The following SERAC1 variants were observed in gnomAD, a reference collection of about 807,000 sequenced individuals.
SERAC1 encodes protein SERAC1.
A neutral mutation model predicts 85.7 loss-of-function variants in SERAC1; 36 were observed. The ratio of observed to expected loss-of-function variants is 0.42; its 90% CI spans 0.32 to 0.55. The LOEUF (loss-of-function observed/expected upper bound fraction) is 0.55, where lower values mean the gene tolerates loss of function less well. Ranked by LOEUF, SERAC1 falls within the 20% of genes least tolerant of loss-of-function variation. The probability of loss-of-function intolerance (pLI) is 0.11; values close to 1 mark genes in which losing one functional copy is unlikely to be tolerated. For synonymous variants in SERAC1, 242 were observed against 265.3 expected, an observed-to-expected ratio of 0.91 and a Z score of 0.85; for missense variants, 629 against 796.2, an observed-to-expected ratio of 0.79 and a Z score of 2.53.
intron 6 of SERAC1, chr6:158,145,941 T>C (rs1243961785): frequency 6.6e-6 from 1 of 152,208 alleles, no homozygotes; most frequent in African/African-American, 2.4e-5. Context: ...ATATTTTTAT[T>C]GTAAAATTTG....
intron 8 of SERAC1, among the ~76,000 whole-genome samples, chr6:158,140,762 TAG>T (rs760104493): frequency 1.3e-4 from 19 of 151,986 alleles, no homozygotes; most frequent in Admixed American, 1.3e-4. Flanking sequence ...CATCTCTAGG[TAG>T]AGATGTCAGA....
At chr6:158,126,368 G>T (rs1309459503) in intron 10 of SERAC1, among the ~76,000 whole-genome samples, 1 of 108,506 alleles carries the variant, frequency 9.2e-6, no homozygotes, top group Non-Finnish European at 2.0e-5. Context: ...GGGCCAGTTT[G>T]CTGGGGCTCC....
Position 158,117,907 on chromosome 6 carries a change from G to A in SERAC1, c.1309-86C>T, listed in dbSNP as rs377028583. 5.0e-6 allele frequency: 5 copies of A among 1,007,716 alleles called. No individual in the cohort carries two copies. The highest frequency in any genetic ancestry group is 6.1e-6 in the Non-Finnish European group (4 of 654,814). 62.4% of individuals were successfully genotyped at this position (1,007,716 alleles called of 1,614,324 possible). A position where few individuals can be genotyped will look rare whatever the true frequency, so the allele number is the denominator to read the frequency against. ...TAGTAAATCAAATTTATAACTAAAG[G>A]CCTCTTGCACTATAATTAAAGATAG... On this transcript the variant is annotated intron_variant, in intron 12 of 16. Coordinates refer to ENST00000647468, the MANE Select transcript of SERAC1 (RefSeq NM_032861.4). The surrounding 1 kb of genome is among the most constrained non-coding windows in gnomAD (Gnocchi z 4.3).
chr6:158,115,073 G>T, intron 14 of SERAC1, 102 bp from the exon 15 acceptor site: 3 of 1,255,480 alleles, frequency 2.4e-6, no homozygotes, highest in East Asian at 2.3e-5. Context: ...AAAAAGAGAT[G>T]CTTTCTTTTT....
At chr6:158,114,426 A>AATCT (rs1784225758) in intron 15 of SERAC1, 23 of 964,908 alleles carry the variant, frequency 2.4e-5, no homozygotes, top group Non-Finnish European at 2.9e-5. Flanking sequence ...TAATACTAAC[A>AATCT]ATCTCAAAGT....
rs1011588926 is a variant in SERAC1 at position 158,144,229 on chromosome 6, A to G, written c.609+70T>C. 1.1e-5 allele frequency: 14 copies of G among 1,234,632 alleles called. No individual in the cohort carries two copies. The Admixed American group carries it at 2.9e-4, about 26-fold the overall frequency. The allele number at this position is 1,234,632 out of a possible 1,614,324, so 76.5% of individuals were successfully genotyped here. On this transcript the variant is annotated intron_variant, in intron 7 of 16. Coordinates refer to ENST00000647468, the MANE Select transcript of SERAC1 (RefSeq NM_032861.4). Reference sequence around the variant, plus strand: ...CAACTACTTTTTTAAAGTGTTTTGTACCCCAAGTGAAGATAATATATTAAA... The same window carrying G: ...CAACTACTTTTTTAAAGTGTTTTGTGCCCCAAGTGAAGATAATATATTAAA...
Position 158,134,656 on chromosome 6 carries a change from A to G in SERAC1, c.739-4170T>C, listed in dbSNP as rs184679418. Among the ~76,000 whole-genome samples the G allele has an allele frequency of 7.2e-5, 11 of 152,262 alleles. No homozygotes were observed. The East Asian group carries it at 2.1e-3, about 29-fold the overall frequency. On this transcript the variant is annotated intron_variant, in intron 8 of 16. Coordinates refer to ENST00000647468, the MANE Select transcript of SERAC1 (RefSeq NM_032861.4). ...AAGAAGAAAGCTTTTCCTACAGAAG[A>G]ATACTAAATAAATGAGTAAGGAGTA...
rs1251751262 is a variant in SERAC1, at chr6:158,110,735, A to T, written c.*631T>A. ...AGGCAGCTACAGTCTGAAAAGAATT[A>T]TTATAAGCTAGAATTTTTCTAAGAA... On this transcript the variant is annotated 3_prime_UTR_variant, in exon 17 of 17. Coordinates refer to ENST00000647468, the MANE Select transcript of SERAC1 (RefSeq NM_032861.4). 1.3e-5 allele frequency: 2 copies of T among 152,246 alleles called. No homozygotes were observed. Among genetic ancestry groups the T allele is most frequent in the Non-Finnish European group, 2.9e-5 (2 of 68,046 alleles). 9.4% of individuals were successfully genotyped at this position (152,246 alleles called of 1,614,324 possible).
chr6:158,151,611 G>A (rs577517299), intron 3 of SERAC1, among the ~76,000 whole-genome samples: 1 of 152,136 alleles, frequency 6.6e-6, no homozygotes, highest in South Asian at 2.1e-4. Flanking sequence ...ATTTTTAGTA[G>A]AGATGGGGTT....
intron 3 of SERAC1, among the ~76,000 whole-genome samples, chr6:158,152,043 C>T (rs940365958): frequency 2.0e-5 from 3 of 152,204 alleles, no homozygotes; most frequent in Non-Finnish European, 2.9e-5. Context: ...CACACCACTA[C>T]ATCCAGCTAG....
chr6:158,112,336 C>T (rs1052811850), intron 16 of SERAC1: 5 of 152,250 alleles, frequency 3.3e-5, no homozygotes, highest in East Asian at 1.9e-4. Flanking sequence ...ACGCTTGAGC[C>T]CAGGAGTTCG....
intron 3 of SERAC1, chr6:158,150,906 GC>G (rs1785188547): frequency 4.1e-6 from 1 of 244,808 alleles, no homozygotes; most frequent in Admixed American, 4.8e-5. Flanking sequence ...CTACTGTGCT[GC>G]CCGTCCTATA....
At chr6:158,155,233 C>A in intron 3 of SERAC1, 82 bp downstream of exon 3, 1 of 934,108 alleles carries the variant, frequency 1.1e-6, no homozygotes, top group Non-Finnish European at 1.7e-6. Flanking sequence ...TTCAAGACCT[C>A]ATGCAACCTG....
At position 158,119,974 on chromosome 6, in the gene SERAC1, C is replaced by T. The variant is rs1447469922; in HGVS notation, c.1166+451G>A. 1.3e-5 allele frequency among the ~76,000 whole-genome samples: 2 copies of T among 152,142 alleles called. No individual in the cohort carries two copies. The highest frequency in any genetic ancestry group is 2.9e-5 in the Non-Finnish European group (2 of 68,026). On this transcript the variant is annotated intron_variant, in intron 11 of 16. Coordinates refer to ENST00000647468, the MANE Select transcript of SERAC1 (RefSeq NM_032861.4). The surrounding 1 kb of genome is among the most constrained non-coding windows in gnomAD (Gnocchi z 4.5). ...TACAACTTATTCTTTCTAATGCATCCTTTTATAACTAGCATAAACTTTCTC... is the reference window on the plus strand; with the variant it reads ...TACAACTTATTCTTTCTAATGCATCTTTTTATAACTAGCATAAACTTTCTC...
At chr6:158,147,687 G>A (rs1210572245) in intron 5 of SERAC1, among the ~76,000 whole-genome samples, 2 of 142,036 alleles carry the variant, frequency 1.4e-5, no homozygotes, top group African/African-American at 2.6e-5. Context: ...GGAGAATGGC[G>A]TGAACCCGGG....
chr6:158,143,597 A>G (rs1784983588), intron 7 of SERAC1, among the ~76,000 whole-genome samples: 1 of 152,034 alleles, frequency 6.6e-6, no homozygotes, highest in Non-Finnish European at 1.5e-5. Context: ...TCTTGACTCA[A>G]AATGAATTAT....
intron 15 of SERAC1, chr6:158,114,394 T>C (rs1236320390): frequency 7.9e-6 from 6 of 762,648 alleles, no homozygotes; most frequent in Non-Finnish European, 8.0e-6. Context: ...AAACTGCTTA[T>C]CAAACCAGAG....
intron 8 of SERAC1, among the ~76,000 whole-genome samples, chr6:158,136,320 T>C (rs1784792627): frequency 6.6e-6 from 1 of 152,216 alleles, no homozygotes; most frequent in Non-Finnish European, 1.5e-5. Context: ...TTGTTTCCTT[T>C]GTAATCTTAT....
chr6:158,144,496 C>G, intron 6 of SERAC1, 76 bp from the exon 7 acceptor site: 1 of 1,373,258 alleles, frequency 7.3e-7, no homozygotes, highest in Non-Finnish European at 9.9e-7. Flanking sequence ...GAACAAACAA[C>G]TTGAAAGCAC....
Sources: gnomAD v4.1 joint callset for allele counts (sites outside exome capture counted in the v4.1 genomes callset) on GRCh38, gnomAD v4.1.1 for gene constraint, Gnocchi (gnomAD v3.1) non-coding constraint, MANE v1.5 for transcripts, NCBI Gene and HGNC (gene_info 2026-07-23, HGNC 2026-07-21) for gene names.